Variants in TENM3 observed in about 807,000 individuals in gnomAD.
The protein encoded by TENM3 is teneurin-3.
In TENM3, 63 loss-of-function variants were observed where a neutral mutation model predicts 255.1. The observed-to-expected ratio is 0.25, with a 90% confidence interval of 0.20 to 0.30. The LOEUF is 0.30. Among genes scored for constraint, TENM3 ranks in the 10% least tolerant of loss-of-function variants. The pLI is 1.00. For missense variants in TENM3, 2,929 were observed against 3,461.1 expected (o/e 0.85, Z 3.86); for synonymous variants, 1,306 against 1,322.3 (o/e 0.99, Z 0.27).
the TENM3 span, among the ~76,000 whole-genome samples, chr4:182,120,465 T>C: frequency 6.6e-6 from 1 of 152,210 alleles, no homozygotes; most frequent in Non-Finnish European, 1.5e-5. Flanking sequence ...GTGTTGTGTA[T>C]ATACACACGT....
rs540085006 is a variant in TENM3, at chr4:182,691,947, A to G, written c.2221+3596A>G. The stretch of plus-strand genomic sequence containing the variant: ...TCTCTTTTATATGTGACCATTCCAT[A>G]TAAGCTTCAAAGGATTATACTCATG... On this transcript the variant is annotated intron_variant, in intron 12 of 27. Coordinates refer to ENST00000511685, the MANE Select transcript of TENM3 (RefSeq NM_001080477.4). Among the ~76,000 whole-genome samples the G allele has an allele frequency of 6.4e-4, 97 of 152,340 alleles. 2 individuals are homozygous for G. The South Asian group carries it at 0.02, about 31-fold the overall frequency.
At chr4:182,016,152 A>C in the TENM3 span, among the ~76,000 whole-genome samples, 6 of 152,134 alleles carry the variant, frequency 3.9e-5, no homozygotes, top group Non-Finnish European at 5.9e-5. Context: ...TCAACGTGTT[A>C]TTCGTGCAGA....
At chr4:182,798,209 C>A (rs1398365225) in intron 27 of TENM3, among the ~76,000 whole-genome samples, 1 of 152,150 alleles carries the variant, frequency 6.6e-6, no homozygotes, top group African/African-American at 2.4e-5. Context: ...AGTCTCCCTG[C>A]GTAGCACAGG....
At chr4:181,639,144 C>G in the TENM3 span, among the ~76,000 whole-genome samples, 17 of 152,194 alleles carry the variant, frequency 1.1e-4, no homozygotes, top group African/African-American at 3.9e-4. Context: ...TTCTTCTGGA[C>G]TCTGCTTGGA....
chr4:181,977,249 A>AG, the TENM3 span, among the ~76,000 whole-genome samples: 3 of 152,218 alleles, frequency 2.0e-5, no homozygotes, highest in African/African-American at 7.2e-5. Context: ...AACTCTTCTT[A>AG]AAAAGAACCA....
chr4:182,086,895 C>T, the TENM3 span, among the ~76,000 whole-genome samples: 25 of 152,160 alleles, frequency 1.6e-4, no homozygotes, highest in African/African-American at 5.8e-4. Context: ...CTTTGCCAAT[C>T]GCTCACTGAG....
intron 20 of TENM3, 148 bp from the exon 21 acceptor site, chr4:182,753,302 T>G: frequency 1.6e-6 from 1 of 623,698 alleles, no homozygotes; most frequent in South Asian, 2.2e-5. Context: ...TGGTTTTTTC[T>G]AACGTGTTTG....
intron 3 of TENM3, among the ~76,000 whole-genome samples, chr4:182,533,042 A>G (rs1321502974): frequency 3.3e-5 from 5 of 152,172 alleles, no homozygotes; most frequent in African/African-American, 1.2e-4. Context: ...GAGTCATATT[A>G]TTATGCCTCC....
chr4:182,213,196 A>C (rs1016436647), intron 1 of TENM3, among the ~76,000 whole-genome samples: 9 of 152,244 alleles, frequency 5.9e-5, no homozygotes, highest in African/African-American at 1.7e-4. Flanking sequence ...GTAACTTATC[A>C]AGTAATGAAT....
the TENM3 span, among the ~76,000 whole-genome samples, chr4:181,946,921 T>C: frequency 4.2e-3 from 641 of 152,354 alleles, 19 homozygotes; most frequent in South Asian, 0.06. Flanking sequence ...ACAATTCTTT[T>C]ATTCTTCCTC....
chr4:182,508,335 A>C (rs962377282), intron 3 of TENM3, among the ~76,000 whole-genome samples: 2 of 152,222 alleles, frequency 1.3e-5, no homozygotes, highest in Non-Finnish European at 2.9e-5. Context: ...TTCCTATAAG[A>C]GTATGCTCCG....
chr4:181,624,673 T>C, the TENM3 span, among the ~76,000 whole-genome samples: 1 of 152,266 alleles, frequency 6.6e-6, no homozygotes, highest in Non-Finnish European at 1.5e-5. Flanking sequence ...ATTTTCTCTA[T>C]GCTTTCTCCC....
the TENM3 span, among the ~76,000 whole-genome samples, chr4:181,989,033 C>G: frequency 6.6e-6 from 1 of 152,044 alleles, no homozygotes; most frequent in African/African-American, 2.4e-5. Flanking sequence ...AGACCTTGGC[C>G]TTAAGACCCC....
At chr4:182,632,860 G>GT (rs769573805) in intron 5 of TENM3, among the ~76,000 whole-genome samples, 16 of 145,802 alleles carry the variant, frequency 1.1e-4, no homozygotes, top group Non-Finnish European at 1.7e-4. Context: ...TTCTCACTCT[G>GT]TTTTTTTCTT....
chr4:182,526,666 C>T (rs1739220343), intron 3 of TENM3, among the ~76,000 whole-genome samples: 1 of 152,192 alleles, frequency 6.6e-6, no homozygotes, highest in Admixed American at 6.5e-5. Context: ...AAACAGAGAA[C>T]ACATTTGCTG....
the TENM3 span, among the ~76,000 whole-genome samples, chr4:181,807,478 C>T: frequency 6.6e-6 from 1 of 152,080 alleles, no homozygotes; most frequent in Admixed American, 6.6e-5. Flanking sequence ...CTCAGCCTCC[C>T]GAGTAGCTGG....
intron 3 of TENM3, among the ~76,000 whole-genome samples, chr4:182,388,751 G>T (rs1032639747): frequency 5.3e-5 from 8 of 152,144 alleles, no homozygotes; most frequent in African/African-American, 1.9e-4. Context: ...GATCATAAAG[G>T]AAATTGAATG....
At chr4:182,387,020 T>C (rs978638899) in intron 3 of TENM3, among the ~76,000 whole-genome samples, 3 of 152,218 alleles carry the variant, frequency 2.0e-5, no homozygotes, top group African/African-American at 7.2e-5. Context: ...CTCCTGAGTC[T>C]GGTAGGGACG....
intron 12 of TENM3, chr4:182,707,808 C>G (rs1758394861): frequency 6.6e-6 from 1 of 152,010 alleles, no homozygotes; most frequent in Non-Finnish European, 1.5e-5. Context: ...TTTTGAAAAA[C>G]AGTTAAGGCC....
Sources: allele counts gnomAD v4.1 joint callset (sites outside exome capture counted in the v4.1 genomes callset), GRCh38; gene constraint gnomAD v4.1.1; transcripts MANE v1.5; gene names NCBI Gene and HGNC (gene_info 2026-07-23, HGNC 2026-07-21).